The following NUBP1 variants were observed in gnomAD, a reference collection of about 807,000 sequenced individuals.
The protein encoded by NUBP1 is NUBP iron-sulfur cluster assembly factor 1, cytosolic.
In NUBP1, 46 loss-of-function variants were observed where a neutral mutation model predicts 41.8. The observed-to-expected ratio is 1.10, with a 90% CI of 0.87 to 1.41. NUBP1 has a LOEUF of 1.41. NUBP1 is among the 40% of genes most tolerant of loss of function. The pLI is 0.00. For missense variants in NUBP1, 494 were observed against 414.0 expected, an observed-to-expected ratio of 1.19 and a Z score of -1.68; for synonymous variants, 189 against 154.6, an observed-to-expected ratio of 1.22 and a Z score of -1.65.
In NUBP1 at chr16:10,764,119, C is replaced by G. The variant is rs192568633; in HGVS notation, c.820+2260C>G. ...ATCTCAGCCCACAGGAGTATCTCAGCCCACGGGAGCATCCCAACTCAAAGG... is the reference window on the plus strand; with the variant it reads ...ATCTCAGCCCACAGGAGTATCTCAGGCCACGGGAGCATCCCAACTCAAAGG... On this transcript the variant is annotated intron_variant, in intron 9 of 10. Coordinates refer to ENST00000283027, the MANE Select transcript of NUBP1 (RefSeq NM_002484.4). Among the ~76,000 whole-genome samples the G allele has an allele frequency of 3.5e-3, 518 of 148,292 alleles. 1 individual carries two copies. Among genetic ancestry groups the G allele is most frequent in the African/African-American group, 0.012 (486 of 40,050 alleles).
rs901267372 is a variant in NUBP1, at chr16:10,766,482, G to C, written c.821-1467G>C. 1.3e-5 allele frequency among the ~76,000 whole-genome samples: 2 copies of C among 152,126 alleles called. No individual in the cohort carries two copies. The highest frequency in any genetic ancestry group is 2.9e-5 in the Non-Finnish European group (2 of 68,008). On this transcript the variant is annotated intron_variant, in intron 9 of 10. Transcript: ENST00000283027. This position sits in a 1 kb window ranked among gnomAD's most constrained non-coding sequence, Gnocchi z 4.8. ...GAGCCCTCTGGGGAAGGGAGACCTG[G>C]GTGAAAGTCAGGGACAGAAAGTAGC... is the stretch of plus-strand genomic sequence containing the variant.
intron 2 of NUBP1, 97 bp from the exon 3 acceptor site, chr16:10,747,046 A>G (rs1304610294): frequency 2.1e-6 from 3 of 1,424,864 alleles, no homozygotes; most frequent in Non-Finnish European, 1.9e-6. Context: ...CAGGACTAGT[A>G]CTAGGACTAG....
Position 10,758,033 on chromosome 16 carries a change from C to T in NUBP1, c.606+6C>T, listed in dbSNP as rs368338068. 143 of 1,610,800 alleles carry T rather than the reference C, an allele frequency of 8.9e-5. No homozygotes were observed. Among genetic ancestry groups the T allele is most frequent in the Non-Finnish European group, 1.2e-4 (139 of 1,177,610 alleles). On this transcript the variant is annotated splice_donor_region_variant and intron_variant, in intron 7 of 10. Coordinates refer to ENST00000283027, the MANE Select transcript of NUBP1 (RefSeq NM_002484.4). ...TGATCATCACCACTCCCCAGGTGAG[C>T]GAGCTGCCAGCTGGAGCTGGGTCCA...
In NUBP1 at chr16:10,749,273, G is replaced by C. The variant is rs995425430; in HGVS notation, c.258+1997G>C. 6.6e-6 allele frequency among the ~76,000 whole-genome samples: 1 copy of C among 152,106 alleles called. No homozygotes were observed. The highest frequency in any genetic ancestry group is 1.5e-5 in the Non-Finnish European group (1 of 68,030). On this transcript the variant is annotated intron_variant, in intron 3 of 10. Transcript: ENST00000283027. This position sits in a 1 kb window ranked among gnomAD's most constrained non-coding sequence, Gnocchi z 4.1. ...AGAAATCTGCTTTCTCAGATTGTCTGTATCGTTTAGAAGAATCTTTGCTTT... is the reference window on the plus strand; with the variant it reads ...AGAAATCTGCTTTCTCAGATTGTCTCTATCGTTTAGAAGAATCTTTGCTTT...
rs1057296906 is a variant in NUBP1, at chr16:10,749,392, A to T, written c.258+2116A>T. 6.6e-6 allele frequency among the ~76,000 whole-genome samples: 1 copy of T among 152,220 alleles called. No individual in the cohort carries two copies. Among genetic ancestry groups the T allele is most frequent in the East Asian group, 1.9e-4 (1 of 5,200 alleles). On this transcript the variant is annotated intron_variant, in intron 3 of 10. Transcript: ENST00000283027. The surrounding 1 kb of genome is among the most constrained non-coding windows in gnomAD (Gnocchi z 4.1). ...ACCACTTGTGAGTAGACAACTGTTTACATCCTTCACTTTCATGTAATTACG... is the reference window on the plus strand; with the variant it reads ...ACCACTTGTGAGTAGACAACTGTTTTCATCCTTCACTTTCATGTAATTACG...
chr16:10,749,650 T>C lies in NUBP1; in HGVS notation c.258+2374T>C, dbSNP rs948904074. On this transcript the variant is annotated intron_variant, in intron 3 of 10. Transcript: ENST00000283027. The surrounding 1 kb of genome is among the most constrained non-coding windows in gnomAD (Gnocchi z 4.1). ...ATGGAAAATGCTGAATATGTCTTGA[T>C]TAAAGTCAAGCAGCACAGATTTCTC... is the stretch of plus-strand genomic sequence containing the variant. 2.0e-5 allele frequency among the ~76,000 whole-genome samples: 3 copies of C among 152,314 alleles called. No individual in the cohort carries two copies. The highest frequency in any genetic ancestry group is 4.8e-5 in the African/African-American group (2 of 41,558).
rs555523784 is a variant in NUBP1 at position 10,767,214 on chromosome 16, C to A, written c.821-735C>A. 228 of 399,668 alleles carry A rather than the reference C, an allele frequency of 5.7e-4. No homozygotes were observed. The highest frequency in any genetic ancestry group is 7.7e-4 in the Non-Finnish European group (175 of 227,082). 24.8% of individuals were successfully genotyped at this position (399,668 alleles called of 1,614,324 possible). A position where few individuals can be genotyped will look rare whatever the true frequency, so the allele number is the denominator to read the frequency against. ...CACCCACGACTGGGGGCTGGCAGGG[C>A]AGACTGGAGGCGAGAACACCCCCAT... On this transcript the variant is annotated intron_variant, in intron 9 of 10. Coordinates refer to ENST00000283027, the MANE Select transcript of NUBP1 (RefSeq NM_002484.4). This position sits in a 1 kb window ranked among gnomAD's most constrained non-coding sequence, Gnocchi z 4.6.
chr16:10,758,491 A>G (rs569366506), intron 7 of NUBP1, among the ~76,000 whole-genome samples: 1 of 152,228 alleles, frequency 6.6e-6, no homozygotes, highest in Non-Finnish European at 1.5e-5. Flanking sequence ...AAAATAAGAA[A>G]AACTTCATCT....
intron 2 of NUBP1, among the ~76,000 whole-genome samples, chr16:10,744,295 G>A (rs1421895385): frequency 2.0e-5 from 3 of 152,212 alleles, no homozygotes; most frequent in East Asian, 1.9e-4. Flanking sequence ...CGAGCGCGAA[G>A]GACCTGGCGC....
At chr16:10,750,935 G>A (rs1462116810) in intron 3 of NUBP1, among the ~76,000 whole-genome samples, 3 of 152,162 alleles carry the variant, frequency 2.0e-5, no homozygotes, top group East Asian at 1.9e-4. Context: ...TGGGAGGAAC[G>A]CAGGCGCATT....
chr16:10,762,894 C>T (rs1415738974), intron 9 of NUBP1, among the ~76,000 whole-genome samples: 1 of 147,912 alleles, frequency 6.8e-6, no homozygotes. Flanking sequence ...GGAAGGGCTG[C>T]ATGGGGAGAA....
Position 10,759,523 on chromosome 16 carries a change from C to A in NUBP1, c.606+1496C>A, listed in dbSNP as rs1190653910. Among the ~76,000 whole-genome samples the A allele has an allele frequency of 6.6e-6, 1 of 152,154 alleles. No individual in the cohort carries two copies. Among genetic ancestry groups the A allele is most frequent in the Non-Finnish European group, 1.5e-5 (1 of 68,026 alleles). ...GCACACTGGCTCATGTCTGTAATCC[C>A]AGCACTTTGGGAGGCCGAGGCAGGC... is the stretch of plus-strand genomic sequence containing the variant. On this transcript the variant is annotated intron_variant, in intron 7 of 10. Transcript: ENST00000283027. This position sits in a 1 kb window ranked among gnomAD's most constrained non-coding sequence, Gnocchi z 4.7.
chr16:10,764,581 G>T (rs1429456413), intron 9 of NUBP1, among the ~76,000 whole-genome samples: 2 of 150,062 alleles, frequency 1.3e-5, no homozygotes, highest in East Asian at 4.0e-4. Flanking sequence ...GCTGGAGTAT[G>T]TCAGTCTATT....
intron 9 of NUBP1, 124 bp downstream of exon 9, chr16:10,761,983 A>G (rs1351285907): frequency 1.4e-6 from 1 of 708,376 alleles, no homozygotes; most frequent in South Asian, 1.9e-5. Context: ...GGGGCGCTGG[A>G]GCCAGACCCA....
At position 10,749,120 on chromosome 16, in the gene NUBP1, GACACATACACACACAC is replaced by G. The variant is rs1323324085; in HGVS notation, c.258+1850_258+1865del. ...AAAAAAGGATATAGATAGATACACAGACACATACACACACACACACACACACACACACACACACACA... is the reference window on the plus strand; with the variant it reads ...AAAAAAGGATATAGATAGATACACAGACACACACACACACACACACACACA... On this transcript the variant is annotated intron_variant, in intron 3 of 10. Transcript: ENST00000283027. This position sits in a 1 kb window ranked among gnomAD's most constrained non-coding sequence, Gnocchi z 4.1. Among the ~76,000 whole-genome samples, 543 of 92,376 alleles carry G rather than the reference GACACATACACACACAC, an allele frequency of 5.9e-3. 7 individuals carry two copies. Among genetic ancestry groups the G allele is most frequent in the African/African-American group, 0.019 (497 of 25,808 alleles). 60.6% of individuals were successfully genotyped at this position (92,376 alleles called of 152,430 possible).
Position 10,759,595 on chromosome 16 carries a change from A to G in NUBP1, c.606+1568A>G, listed in dbSNP as rs1000556543. Among the ~76,000 whole-genome samples the G allele has an allele frequency of 5.3e-5, 8 of 152,156 alleles. No individual in the cohort carries two copies. The highest frequency in any genetic ancestry group is 1.2e-4 in the Non-Finnish European group (8 of 68,020). The stretch of plus-strand genomic sequence containing the variant: ...TCGAGACCAGACTGGCCAATATGGC[A>G]AAACCCTGTCTCTACCAAAAAAATA... On this transcript the variant is annotated intron_variant, in intron 7 of 10. Coordinates refer to ENST00000283027, the MANE Select transcript of NUBP1 (RefSeq NM_002484.4). This position sits in a 1 kb window ranked among gnomAD's most constrained non-coding sequence, Gnocchi z 4.7.
rs984589531 is a variant in NUBP1 at position 10,766,123 on chromosome 16, C to T, written c.821-1826C>T. On this transcript the variant is annotated intron_variant, in intron 9 of 10. Coordinates refer to ENST00000283027, the MANE Select transcript of NUBP1 (RefSeq NM_002484.4). This position sits in a 1 kb window ranked among gnomAD's most constrained non-coding sequence, Gnocchi z 4.8. ...TGGCAAAGAGTTACAGATGCCAGCG[C>T]TCTGGTGCTATGGGTCCTGGTCCCG... 1 of 152,422 alleles carries T rather than the reference C, an allele frequency of 6.6e-6. No homozygotes were observed. The highest frequency in any genetic ancestry group is 2.4e-5 in the African/African-American group (1 of 41,452). The allele number at this position is 152,422 out of a possible 1,614,324, so 9.4% of individuals were successfully genotyped here.
Position 10,768,277 on chromosome 16 carries a change from G to C in NUBP1, c.904+245G>C. The C allele has an allele frequency of 3.5e-6, 1 of 282,246 alleles. No individual in the cohort carries two copies. The allele number at this position is 282,246 out of a possible 1,614,324, so 17.5% of individuals were successfully genotyped here. A position where few individuals can be genotyped will look rare whatever the true frequency, so the allele number is the denominator to read the frequency against. ...CTTAGGAAATACATCCCAATAAAGG[G>C]ATAAAGTAATTCATTTTTAAAAGTA... is the stretch of plus-strand genomic sequence containing the variant. On this transcript the variant is annotated intron_variant, in intron 10 of 10. Coordinates refer to ENST00000283027, the MANE Select transcript of NUBP1 (RefSeq NM_002484.4). This position sits in a 1 kb window ranked among gnomAD's most constrained non-coding sequence, Gnocchi z 4.3.
In NUBP1 at chr16:10,766,449, G is replaced by C. The variant is rs190204777; in HGVS notation, c.821-1500G>C. Among the ~76,000 whole-genome samples, 850 of 152,270 alleles carry C rather than the reference G, an allele frequency of 5.6e-3. 11 individuals are homozygous for C. Among genetic ancestry groups the C allele is most frequent in the Non-Finnish European group, 6.0e-3 (407 of 68,012 alleles). ...ACACTAGAGCATATATGTGTGTTGG[G>C]GGCTGGGGAGCCCTCTGGGGAAGGG... On this transcript the variant is annotated intron_variant, in intron 9 of 10. Transcript: ENST00000283027. The surrounding 1 kb of genome is among the most constrained non-coding windows in gnomAD (Gnocchi z 4.8).
Sources: gnomAD v4.1 joint callset for allele counts (sites outside exome capture counted in the v4.1 genomes callset) on GRCh38, gnomAD v4.1.1 for gene constraint, Gnocchi (gnomAD v3.1) non-coding constraint, MANE v1.5 for transcripts, NCBI Gene and HGNC (gene_info 2026-07-23, HGNC 2026-07-21) for gene names.